The following LRMDA variants were observed in gnomAD, a reference collection of about 807,000 sequenced individuals.
LRMDA encodes leucine rich melanocyte differentiation associated.
LRMDA carries 18 observed loss-of-function variants against 29.8 expected under a neutral mutation model. The ratio of observed to expected loss-of-function variants is 0.60; its 90% CI spans 0.42 to 0.90. The LOEUF is 0.90. Among genes scored for constraint, LRMDA ranks in the 40% least tolerant of loss-of-function variants. The pLI is 0.00. For missense variants in LRMDA, 273 were observed against 273.9 expected (o/e 1.00, Z 0.02); for synonymous variants, 125 against 109.4 (o/e 1.14, Z -0.89).
intron 2 of LRMDA, among the ~76,000 whole-genome samples, chr10:75,799,011 T>G (rs1843701657): frequency 6.6e-6 from 1 of 152,222 alleles, no homozygotes; most frequent in Non-Finnish European, 1.5e-5. Flanking sequence ...CATTGTGCAA[T>G]TTTTGGATAT....
intron 3 of LRMDA, 24 bp downstream of exon 3, chr10:76,036,158 C>G: frequency 6.2e-7 from 1 of 1,602,590 alleles, no homozygotes; most frequent in Non-Finnish European, 8.5e-7. Context: ...TGCCCGCTGC[C>G]CCCACTCCCC....
intron 2 of LRMDA, among the ~76,000 whole-genome samples, chr10:76,019,444 T>C (rs1414111457): frequency 6.6e-6 from 1 of 152,166 alleles, no homozygotes; most frequent in Non-Finnish European, 1.5e-5. Context: ...AGTTGACTTA[T>C]ACAGATTTTT....
intron 6 of LRMDA, among the ~76,000 whole-genome samples, chr10:76,538,019 A>G (rs960757454): frequency 2.0e-5 from 3 of 152,226 alleles, no homozygotes; most frequent in African/African-American, 7.2e-5. Flanking sequence ...TACTTAGAAT[A>G]TATTCAGGCA....
chr10:75,753,172 G>A (rs1490342913), intron 2 of LRMDA, among the ~76,000 whole-genome samples: 1 of 152,024 alleles, frequency 6.6e-6, no homozygotes, highest in East Asian at 1.9e-4. Context: ...CTACAAAGCT[G>A]GAATCTCACT....
At chr10:76,252,880 C>G (rs1195229655) in intron 5 of LRMDA, among the ~76,000 whole-genome samples, 1 of 152,170 alleles carries the variant, frequency 6.6e-6, no homozygotes, top group Non-Finnish European at 1.5e-5. Flanking sequence ...AGTTGTTGAG[C>G]AATACTCACA....
chr10:76,387,052 G>T (rs925087956), intron 6 of LRMDA, among the ~76,000 whole-genome samples: 1 of 152,006 alleles, frequency 6.6e-6, no homozygotes, highest in African/African-American at 2.4e-5. Flanking sequence ...TAAATGTTAG[G>T]GCACAATGAT....
At chr10:75,994,114 T>C (rs991164100) in intron 2 of LRMDA, among the ~76,000 whole-genome samples, 1 of 152,242 alleles carries the variant, frequency 6.6e-6, no homozygotes, top group African/African-American at 2.4e-5. Flanking sequence ...CCCTAAGTTA[T>C]AGATGAATGA....
At chr10:76,471,267 A>G (rs1439899534) in intron 6 of LRMDA, among the ~76,000 whole-genome samples, 3 of 151,798 alleles carry the variant, frequency 2.0e-5, no homozygotes, top group Non-Finnish European at 4.4e-5. Context: ...GGTTTGTAAT[A>G]TATTTAAATA....
intron 2 of LRMDA, among the ~76,000 whole-genome samples, chr10:75,522,251 AT>A (rs1845370434): frequency 6.6e-6 from 1 of 152,194 alleles, no homozygotes; most frequent in African/African-American, 2.4e-5. Context: ...CCTTATACTC[AT>A]TGAGGTCATG....
chr10:75,864,443 C>T (rs906815328), intron 2 of LRMDA, among the ~76,000 whole-genome samples: 1 of 152,152 alleles, frequency 6.6e-6, no homozygotes, highest in African/African-American at 2.4e-5. Flanking sequence ...CTCAGGCTCC[C>T]TGGATTCTTA....
In LRMDA at chr10:75,565,846, G is replaced by T. The variant is rs1840365540; in HGVS notation, c.131+127352G>T. On this transcript the variant is annotated intron_variant, in intron 2 of 6. Transcript: ENST00000611255. ...TGCCAGCACTTTGGGAGGCCAAGGT[G>T]GATGGATGGCTTGAGACCAGGAGTT... Among the ~76,000 whole-genome samples the T allele has an allele frequency of 5.3e-5, 8 of 152,278 alleles. No individual in the cohort carries two copies. In the South Asian group the frequency reaches 1.7e-3, roughly 32 times the overall value.
rs993335958 is a variant in LRMDA at position 76,433,551 on chromosome 10, C to G, written c.601+109066C>G. On this transcript the variant is annotated intron_variant, in intron 6 of 6. Coordinates refer to ENST00000611255, the MANE Select transcript of LRMDA (RefSeq NM_001305581.2). ...AGGCTTGTGCGATTAGTATTGATGC[C>G]TGTCACTTTGTGGCTGCCAAGCTGT... 5.3e-5 allele frequency among the ~76,000 whole-genome samples: 8 copies of G among 152,294 alleles called. No individual in the cohort carries two copies. The South Asian group carries it at 1.5e-3, about 28-fold the overall frequency.
intron 2 of LRMDA, among the ~76,000 whole-genome samples, chr10:75,444,092 G>T (rs1370213555): frequency 6.6e-6 from 1 of 152,130 alleles, no homozygotes; most frequent in African/African-American, 2.4e-5. Flanking sequence ...TGGAAAGGAG[G>T]GTAGTTATGA....
intron 5 of LRMDA, among the ~76,000 whole-genome samples, chr10:76,134,517 G>T (rs1288926462): frequency 6.6e-6 from 1 of 152,186 alleles, no homozygotes; most frequent in Non-Finnish European, 1.5e-5. Flanking sequence ...ACAAATCCAG[G>T]TGATGACCTA....
intron 2 of LRMDA, among the ~76,000 whole-genome samples, chr10:75,694,325 A>T (rs1034403120): frequency 5.9e-5 from 9 of 152,210 alleles, no homozygotes; most frequent in African/African-American, 1.9e-4. Flanking sequence ...AAATGTTTGT[A>T]TAGTGGGCAA....
chr10:76,173,163 A>G (rs1850869273), intron 5 of LRMDA, among the ~76,000 whole-genome samples: 1 of 152,228 alleles, frequency 6.6e-6, no homozygotes, highest in African/African-American at 2.4e-5. Flanking sequence ...AAGATTAGAC[A>G]CTAGCAGAAG....
intron 5 of LRMDA, among the ~76,000 whole-genome samples, chr10:76,321,091 CGACA>C (rs1840765276): frequency 6.6e-6 from 1 of 152,086 alleles, no homozygotes; most frequent in Non-Finnish European, 1.5e-5. Context: ...TTTTCCTCAT[CGACA>C]GACATTTGAG....
chr10:76,388,560 T>A (rs1005771933), intron 6 of LRMDA, among the ~76,000 whole-genome samples: 1 of 152,180 alleles, frequency 6.6e-6, no homozygotes, highest in Admixed American at 6.5e-5. Flanking sequence ...TGGATTTACA[T>A]GAAAGTGCAA....
intron 2 of LRMDA, among the ~76,000 whole-genome samples, chr10:75,985,095 G>A (rs1295941550): frequency 3.9e-5 from 6 of 152,068 alleles, no homozygotes; most frequent in Admixed American, 2.6e-4. Flanking sequence ...TGGAGGGAGC[G>A]GGTGTGAGCA....
Sources: allele counts gnomAD v4.1 joint callset (sites outside exome capture counted in the v4.1 genomes callset), GRCh38; gene constraint gnomAD v4.1.1; transcripts MANE v1.5; gene names NCBI Gene and HGNC (gene_info 2026-07-23, HGNC 2026-07-21).